The following CERS6 variants were observed in gnomAD, a reference collection of about 807,000 sequenced individuals.
CERS6 encodes the protein ceramide synthase 6.
CERS6 carries 26 observed loss-of-function variants against 56.8 expected under a neutral mutation model. The ratio of observed to expected loss-of-function variants is 0.46; its 90% confidence interval spans 0.34 to 0.63. The LOEUF is 0.63. Among genes scored for constraint, CERS6 ranks in the 30% least tolerant of loss-of-function variants. CERS6 has a pLI of 0.01. For synonymous variants in CERS6, 164 were observed against 173.3 expected (o/e 0.95, Z 0.42); for missense variants, 415 against 467.5 (o/e 0.89, Z 1.04).
At chr2:168,562,644 A>G (rs546713384) in intron 3 of CERS6, among the ~76,000 whole-genome samples, 30 of 152,230 alleles carry the variant, frequency 2.0e-4, no homozygotes, top group Non-Finnish European at 3.7e-4. Flanking sequence ...CATTGCTGCA[A>G]ACATGTCTCG....
chr2:168,492,117 T>A (rs2105339396), intron 1 of CERS6, among the ~76,000 whole-genome samples: 1 of 152,324 alleles, frequency 6.6e-6, no homozygotes, highest in African/African-American at 2.4e-5. Flanking sequence ...TGATTTATAA[T>A]CCTTTGGGTA....
intron 3 of CERS6, among the ~76,000 whole-genome samples, chr2:168,589,930 A>G (rs1683633551): frequency 6.6e-6 from 1 of 152,208 alleles, no homozygotes; most frequent in Non-Finnish European, 1.5e-5. Flanking sequence ...AACTTTTTTT[A>G]TGTTTGAGCC....
chr2:168,555,878 A>G (rs1384862178), intron 2 of CERS6, among the ~76,000 whole-genome samples: 4 of 152,024 alleles, frequency 2.6e-5, no homozygotes, highest in Admixed American at 2.0e-4. Flanking sequence ...ATGTAGGTAT[A>G]TATTTTTTTC....
Position 168,695,029 on chromosome 2 carries a change from A to G in CERS6, c.587A>G (p.Gln196Arg). 1 of 1,613,012 alleles carries G rather than the reference A, an allele frequency of 6.2e-7. No individual in the cohort carries two copies. Among genetic ancestry groups the G allele is most frequent in the Non-Finnish European group, 8.5e-7 (1 of 1,179,256 alleles). Reference protein sequence around the residue: ...LSFYWSLMFSQFTDIKRKDFG... With the variant: ...LSFYWSLMFSRFTDIKRKDFG... ...TTTTATTGGTCTTTGATGTTTTCTC[A>G]GTTCACTGATATCAAAAGAAAGGTA... Residue 196 changes from glutamine to arginine, a missense_variant, in exon 6 of 10, where the codon CAG becomes CGG. Physicochemically the swap from Gln to Arg is conservative, Grantham distance 43 (BLOSUM62 1). Coordinates refer to ENST00000305747, the MANE Select transcript of CERS6 (RefSeq NM_203463.3).
intron 8 of CERS6, among the ~76,000 whole-genome samples, chr2:168,737,161 G>T (rs919426981): frequency 1.3e-5 from 2 of 152,148 alleles, no homozygotes; most frequent in African/African-American, 2.4e-5. Flanking sequence ...CCAGACTGAG[G>T]ACTAGGATGA....
At position 168,549,122 on chromosome 2, in the gene CERS6, C is replaced by G. The variant is rs1695518987; in HGVS notation, c.276+1421C>G. Among the ~76,000 whole-genome samples, 8 of 152,092 alleles carry G rather than the reference C, an allele frequency of 5.3e-5. 1 individual carries two copies. In the South Asian group the frequency reaches 1.7e-3, roughly 32 times the overall value. ...AACATATTTGGAGTCTCTTTGTGAA[C>G]TACTCTAAGTACATTAAACATACAG... On this transcript the variant is annotated intron_variant, in intron 2 of 9. Transcript: ENST00000305747.
intron 1 of CERS6, among the ~76,000 whole-genome samples, chr2:168,494,054 C>T (rs1297811247): frequency 6.6e-6 from 1 of 152,044 alleles, no homozygotes; most frequent in African/African-American, 2.4e-5. Flanking sequence ...TCGTTATTTT[C>T]CAGTGTTGTA....
chr2:168,632,172 A>G (rs956460412), intron 4 of CERS6, among the ~76,000 whole-genome samples: 1 of 151,982 alleles, frequency 6.6e-6, no homozygotes, highest in African/African-American at 2.4e-5. Context: ...AGTCGTACAC[A>G]TATTAACAAT....
At chr2:168,663,720 T>G (rs1685688715) in intron 4 of CERS6, among the ~76,000 whole-genome samples, 1 of 152,202 alleles carries the variant, frequency 6.6e-6, no homozygotes, top group African/African-American at 2.4e-5. Flanking sequence ...TAAAAAACAT[T>G]ATGTAGATCC....
chr2:168,513,385 A>C (rs1694829656), intron 1 of CERS6, among the ~76,000 whole-genome samples: 1 of 152,214 alleles, frequency 6.6e-6, no homozygotes, highest in Non-Finnish European at 1.5e-5. Context: ...CCCATTCAGA[A>C]TACTACATTA....
chr2:168,621,356 A>G (rs184643809), intron 3 of CERS6, among the ~76,000 whole-genome samples: 2 of 152,260 alleles, frequency 1.3e-5, no homozygotes, highest in East Asian at 1.9e-4. Context: ...TTATCCTTAC[A>G]CTAGACAATT....
At chr2:168,629,738 A>G (rs1356064363) in intron 3 of CERS6, among the ~76,000 whole-genome samples, 2 of 152,184 alleles carry the variant, frequency 1.3e-5, no homozygotes, top group Admixed American at 1.3e-4. Flanking sequence ...TGTACAACAA[A>G]CAGAAACTTG....
chr2:168,593,204 A>G (rs1211248246), intron 3 of CERS6, among the ~76,000 whole-genome samples: 1 of 152,162 alleles, frequency 6.6e-6, no homozygotes, highest in African/African-American at 2.4e-5. Context: ...GGATAATATC[A>G]CATCTCAAAA....
intron 4 of CERS6, among the ~76,000 whole-genome samples, chr2:168,645,181 A>AGAGT (rs1685164556): frequency 8.3e-6 from 1 of 120,670 alleles, no homozygotes; most frequent in Non-Finnish European, 1.7e-5. Context: ...AGAGAGAGAG[A>AGAGT]GAGAGAGAGT....
rs1380930386 is a variant in CERS6, at chr2:168,694,830, T to G, written c.517-129T>G. ...AAAGCCCCATCATCTACAAAAAGAA[T>G]AGGACAGGAACTGCCTTTGTGCAGG... On this transcript the variant is annotated intron_variant, in intron 5 of 9. Coordinates refer to ENST00000305747, the MANE Select transcript of CERS6 (RefSeq NM_203463.3). 2.8e-5 allele frequency: 19 copies of G among 669,974 alleles called. No individual in the cohort carries two copies. In the South Asian group the frequency reaches 3.7e-4, roughly 13 times the overall value. 41.5% of individuals were successfully genotyped at this position (669,974 alleles called of 1,614,324 possible). A position where few individuals can be genotyped will look rare whatever the true frequency, so the allele number is the denominator to read the frequency against.
intron 1 of CERS6, among the ~76,000 whole-genome samples, chr2:168,521,686 G>A (rs1694985763): frequency 1.3e-5 from 2 of 152,174 alleles, no homozygotes; most frequent in African/African-American, 2.4e-5. Flanking sequence ...AAACTAATAA[G>A]TGACATTAGC....
At chr2:168,670,975 C>CCA (rs1553506477) in intron 4 of CERS6, among the ~76,000 whole-genome samples, 1 of 70,064 alleles carries the variant, frequency 1.4e-5, no homozygotes, top group African/African-American at 3.6e-5. Flanking sequence ...TTCCCCCCCC[C>CCA]CCCCCAGACG....
At chr2:168,746,617 A>T (rs1641804344) in intron 8 of CERS6, among the ~76,000 whole-genome samples, 1 of 151,560 alleles carries the variant, frequency 6.6e-6, no homozygotes, top group Non-Finnish European at 1.5e-5. Context: ...TGTTAACACC[A>T]AAACTAACAA....
At chr2:168,759,891 G>T (rs1684520784) in intron 8 of CERS6, among the ~76,000 whole-genome samples, 1 of 151,152 alleles carries the variant, frequency 6.6e-6, no homozygotes, top group South Asian at 2.1e-4. Context: ...GCTGTACGTT[G>T]TGTGTGTTTT....
Sources: gnomAD v4.1 joint callset for allele counts (sites outside exome capture counted in the v4.1 genomes callset) on GRCh38, gnomAD v4.1.1 for gene constraint, MANE v1.5 for transcripts, NCBI Gene and HGNC (gene_info 2026-07-23, HGNC 2026-07-21) for gene names.